LCORL: variants seen among roughly 807,000 people sequenced by gnomAD.
LCORL encodes ligand dependent nuclear receptor corepressor like, also known as ligand-dependent nuclear receptor corepressor-like protein.
Under a neutral mutation model 141.8 loss-of-function variants are expected in LCORL, and 41 were observed. The ratio of observed to expected loss-of-function variants is 0.29; its 90% CI spans 0.23 to 0.38. The LOEUF (loss-of-function observed/expected upper bound fraction) is 0.38. Ranked by LOEUF, LCORL falls within the 10% of genes least tolerant of loss-of-function variation. LCORL has a pLI of 1.00. For missense variants in LCORL, 1,759 were observed against 2,035.0 expected (o/e 0.86, Z 2.61); for synonymous variants, 618 against 694.1 (o/e 0.89, Z 1.72).
At chr4:17,877,668 G>A in exon 7 of LCORL, 1 of 1,229,058 alleles carries the variant, frequency 8.1e-7, no homozygotes, top group Non-Finnish European at 1.0e-6. Context: ...TGATAATGGT[G>A]GGGGTGAGGG....
chr4:18,005,329 G>A (rs750383546), intron 1 of LCORL, among the ~76,000 whole-genome samples: 12 of 152,132 alleles, frequency 7.9e-5, no homozygotes, highest in African/African-American at 2.4e-4. Flanking sequence ...CTGTGGCTCC[G>A]CAGGGTACAG....
chr4:17,866,616 GT>G (rs1413029547), intron 7 of LCORL, among the ~76,000 whole-genome samples: 5 of 151,872 alleles, frequency 3.3e-5, no homozygotes, highest in Admixed American at 2.6e-4. Flanking sequence ...AGAAGCCAAG[GT>G]CTGGTTTAAA....
At chr4:17,927,321 T>G (rs1735305612) in intron 4 of LCORL, among the ~76,000 whole-genome samples, 1 of 152,236 alleles carries the variant, frequency 6.6e-6, no homozygotes, top group Admixed American at 6.5e-5. Flanking sequence ...ATGGCCGGTT[T>G]GGTCTTCTAC....
intron 7 of LCORL, among the ~76,000 whole-genome samples, chr4:17,853,942 G>C (rs1002510649): frequency 6.6e-6 from 1 of 152,126 alleles, no homozygotes; most frequent in Non-Finnish European, 1.5e-5. Flanking sequence ...GCTTGGTAAG[G>C]AGGCAGAGTG....
At chr4:17,864,700 T>A (rs946320682) in intron 7 of LCORL, among the ~76,000 whole-genome samples, 2 of 152,308 alleles carry the variant, frequency 1.3e-5, no homozygotes, top group East Asian at 3.9e-4. Context: ...GCAGAGATTG[T>A]CGCACTGGAT....
At chr4:17,904,842 T>C (rs954980675) in intron 5 of LCORL, among the ~76,000 whole-genome samples, 11 of 152,136 alleles carry the variant, frequency 7.2e-5, no homozygotes, top group Admixed American at 6.5e-5. Context: ...TGGTTACTCT[T>C]GGCTCTTTAA....
chr4:17,955,156 T>A (rs533527967), intron 4 of LCORL, among the ~76,000 whole-genome samples: 1 of 152,044 alleles, frequency 6.6e-6, no homozygotes, highest in African/African-American at 2.4e-5. Flanking sequence ...AAGGATCATG[T>A]GAAAGAAGCA....
At chr4:17,998,323 A>G (rs988450393) in intron 1 of LCORL, among the ~76,000 whole-genome samples, 1 of 152,166 alleles carries the variant, frequency 6.6e-6, no homozygotes, top group African/African-American at 2.4e-5. Flanking sequence ...AAATAATCTT[A>G]ACTTACTATA....
intron 7 of LCORL, among the ~76,000 whole-genome samples, chr4:17,855,877 T>C (rs1724304157): frequency 6.6e-6 from 1 of 152,238 alleles, no homozygotes; most frequent in Admixed American, 6.5e-5. Context: ...GGGTAGTTTG[T>C]AATATAGCAT....
At chr4:17,877,985 C>G (rs368162909) in exon 7 of LCORL, 50 of 1,230,602 alleles carry the variant, frequency 4.1e-5, no homozygotes, top group Admixed American at 2.5e-4. Context: ...AACTACAGAA[C>G]AGACCACATA....
At chr4:17,937,376 T>C (rs1737037528) in intron 4 of LCORL, among the ~76,000 whole-genome samples, 1 of 152,186 alleles carries the variant, frequency 6.6e-6, no homozygotes, top group Non-Finnish European at 1.5e-5. Flanking sequence ...TCCACAACCA[T>C]TGTATTATAT....
At chr4:17,923,241 A>G (rs572773338) in intron 4 of LCORL, among the ~76,000 whole-genome samples, 28 of 152,370 alleles carry the variant, frequency 1.8e-4, no homozygotes, top group Non-Finnish European at 4.4e-5. Flanking sequence ...ATCAGGCTGA[A>G]TTTATGGATT....
intron 4 of LCORL, among the ~76,000 whole-genome samples, chr4:17,938,117 G>T (rs6845118): frequency 0.25 from 36,717 of 148,296 alleles, 5,808 homozygotes; most frequent in African/African-American, 0.45. Flanking sequence ...GCAATTCTCC[G>T]GCCTCAGCCT....
At chr4:18,006,710 T>A (rs1039659648) in intron 1 of LCORL, among the ~76,000 whole-genome samples, 5 of 152,074 alleles carry the variant, frequency 3.3e-5, no homozygotes, top group African/African-American at 1.2e-4. Flanking sequence ...TCATTCACCA[T>A]CACAAGAACA....
Position 17,997,849 on chromosome 4 carries a change from G to C in LCORL, c.154+23749C>G, listed in dbSNP as rs372332410. Among the ~76,000 whole-genome samples, 17 of 152,060 alleles carry C rather than the reference G, an allele frequency of 1.1e-4. No individual in the cohort carries two copies. In the East Asian group the frequency reaches 3.3e-3, roughly 29 times the overall value. ...TTTAATTTCAGAGAAGACAAATTCA[G>C]GATAAAGAAGGCTAAAAATGAAAAA... is the stretch of plus-strand genomic sequence containing the variant. On this transcript the variant is annotated intron_variant, in intron 1 of 7. Transcript: ENST00000635767.
chr4:18,017,881 T>A (rs1265953603), intron 1 of LCORL, among the ~76,000 whole-genome samples: 1 of 152,164 alleles, frequency 6.6e-6, no homozygotes, highest in Non-Finnish European at 1.5e-5. Context: ...ACAGTATCCT[T>A]GTTTTTTAAA....
intron 7 of LCORL, among the ~76,000 whole-genome samples, chr4:17,866,204 T>C (rs918043890): frequency 6.6e-6 from 1 of 152,210 alleles, no homozygotes; most frequent in Non-Finnish European, 1.5e-5. Flanking sequence ...CCTACCCTAC[T>C]GGTTCTCCAC....
intron 4 of LCORL, among the ~76,000 whole-genome samples, chr4:17,950,602 T>G (rs956389214): frequency 2.6e-5 from 4 of 152,142 alleles, no homozygotes; most frequent in Non-Finnish European, 4.4e-5. Context: ...ATCCAGTACA[T>G]ATTTTGCTAA....
intron 4 of LCORL, among the ~76,000 whole-genome samples, chr4:17,930,990 T>G (rs531890840): frequency 6.6e-6 from 1 of 152,306 alleles, no homozygotes; most frequent in Non-Finnish European, 1.5e-5. Flanking sequence ...CTTGATACCT[T>G]TTGCTATTTC....
Sources: gnomAD v4.1 joint callset for allele counts (sites outside exome capture counted in the v4.1 genomes callset) on GRCh38, gnomAD v4.1.1 for gene constraint, MANE v1.5 for transcripts, NCBI Gene and HGNC (gene_info 2026-07-23, HGNC 2026-07-21) for gene names.